CHCT1: variants seen among roughly 807,000 people sequenced by gnomAD.
CHCT1 encodes CHD1 helical C-terminal domain containing protein 1.
At chr17:60,424,970 T>G in the CHCT1 span, among the ~76,000 whole-genome samples, 3 of 152,168 alleles carry the variant, frequency 2.0e-5, no homozygotes, top group Admixed American at 1.3e-4. Flanking sequence ...CTTTAAATAT[T>G]ATTTCAGATC....
At chr17:60,426,539 C>G in the CHCT1 span, 1 of 1,096,240 alleles carries the variant, frequency 9.1e-7, no homozygotes, top group East Asian at 2.6e-5. Flanking sequence ...TGCAGGCGCT[C>G]AATACCAGGA....
chr17:60,429,431 C>T, the CHCT1 span: 1 of 1,614,270 alleles, frequency 6.2e-7, no homozygotes, highest in Non-Finnish European at 8.5e-7. Flanking sequence ...TCTGCCCAAG[C>T]TCTGCCATGC....
the CHCT1 span, chr17:60,422,657 T>TGAGG: frequency 6.5e-7 from 1 of 1,538,474 alleles, no homozygotes; most frequent in South Asian, 1.2e-5. Context: ...AAGTGGGGTG[T>TGAGG]GAGGGAGGGA....
chr17:60,430,509 C>T, the CHCT1 span, among the ~76,000 whole-genome samples: 3 of 152,108 alleles, frequency 2.0e-5, no homozygotes, highest in Non-Finnish European at 4.4e-5. Context: ...GAGACGGAGT[C>T]TCACTCTGCG....
At chr17:60,426,585 C>CA in the CHCT1 span, 1 of 1,316,890 alleles carries the variant, frequency 7.6e-7, no homozygotes, top group Non-Finnish European at 1.0e-6. Context: ...CCCACCCCTC[C>CA]ATTCCCCCAA....
the CHCT1 span, chr17:60,429,470 A>G: frequency 5.6e-6 from 9 of 1,614,164 alleles, no homozygotes; most frequent in South Asian, 8.8e-5. Flanking sequence ...CATCAGCGGC[A>G]TGAAGGAGCG....
At chr17:60,424,721 A>G in the CHCT1 span, among the ~76,000 whole-genome samples, 2 of 152,034 alleles carry the variant, frequency 1.3e-5, no homozygotes, top group Non-Finnish European at 2.9e-5. Flanking sequence ...TAAAAATACA[A>G]AATTAGCCAG....
the CHCT1 span, chr17:60,425,771 G>C: frequency 2.6e-6 from 4 of 1,543,986 alleles, no homozygotes; most frequent in Non-Finnish European, 2.6e-6. Flanking sequence ...AGTGCCCCCT[G>C]CCTCCTCCTA....
chr17:60,429,227 T>C, the CHCT1 span: 8 of 929,242 alleles, frequency 8.6e-6, no homozygotes, highest in Non-Finnish European at 1.3e-5. Flanking sequence ...CTGTGATTCC[T>C]ACCCCATCCT....
At chr17:60,424,446 G>A in the CHCT1 span, among the ~76,000 whole-genome samples, 12 of 152,212 alleles carry the variant, frequency 7.9e-5, no homozygotes, top group African/African-American at 2.2e-4. Context: ...TATTGAAACC[G>A]TCCCTAGAAA....
At chr17:60,430,545 A>C in the CHCT1 span, among the ~76,000 whole-genome samples, 1 of 152,154 alleles carries the variant, frequency 6.6e-6, no homozygotes, top group Non-Finnish European at 1.5e-5. Flanking sequence ...CAGTTGTGCG[A>C]TCTCAGCTCA....
chr17:60,429,291 C>A, the CHCT1 span: 2 of 1,480,254 alleles, frequency 1.4e-6, no homozygotes, highest in Non-Finnish European at 1.8e-6. Context: ...TCAACAAATG[C>A]GGTGCTGGGA....
chr17:60,424,117 T>C, the CHCT1 span, among the ~76,000 whole-genome samples: 4 of 151,890 alleles, frequency 2.6e-5, no homozygotes, highest in Admixed American at 6.6e-5. Flanking sequence ...ACTGACAGAG[T>C]GAGAACTCAC....
the CHCT1 span, among the ~76,000 whole-genome samples, chr17:60,428,000 G>A: frequency 6.6e-6 from 1 of 152,150 alleles, no homozygotes; most frequent in East Asian, 1.9e-4. Context: ...GAATCCATTG[G>A]TTTCAGGGGC....
the CHCT1 span, among the ~76,000 whole-genome samples, chr17:60,423,649 A>G: frequency 1.3e-5 from 2 of 152,050 alleles, no homozygotes; most frequent in Non-Finnish European, 2.9e-5. Flanking sequence ...TATTTTTGGT[A>G]GAAATTGGGT....
At chr17:60,422,662 G>A in the CHCT1 span, 5 of 1,539,774 alleles carry the variant, frequency 3.2e-6, no homozygotes, top group Non-Finnish European at 4.4e-6. Context: ...GGGTGTGAGG[G>A]AGGGAGGGAA....
At chr17:60,426,587 T>C in the CHCT1 span, 2 of 1,010,814 alleles carry the variant, frequency 2.0e-6, no homozygotes, top group Non-Finnish European at 2.8e-6. Flanking sequence ...CACCCCTCCA[T>C]TCCCCCAACC....
the CHCT1 span, among the ~76,000 whole-genome samples, chr17:60,430,957 T>C: frequency 2.2e-4 from 33 of 152,330 alleles, no homozygotes; most frequent in East Asian, 6.4e-3. Context: ...GGGCAGGTCA[T>C]TGCTTTACCC....
chr17:60,426,047 C>T, the CHCT1 span: 13 of 1,311,284 alleles, frequency 9.9e-6, no homozygotes, highest in Admixed American at 8.8e-5. Flanking sequence ...TCCCGAAACA[C>T]GCAGCACTGG....
Sources: allele counts gnomAD v4.1 joint callset (sites outside exome capture counted in the v4.1 genomes callset), GRCh38; gene constraint gnomAD v4.1.1; transcripts MANE v1.5; gene names NCBI Gene and HGNC (gene_info 2026-07-23, HGNC 2026-07-21).